Variants in KCNT2 observed in about 807,000 individuals in gnomAD.
KCNT2 encodes potassium sodium-activated channel subfamily T member 2.
KCNT2 carries 67 observed loss-of-function variants against 153.8 expected under a neutral mutation model. That is an observed-to-expected ratio of 0.44 (90% confidence interval 0.36 to 0.53). KCNT2 has a LOEUF of 0.53. KCNT2 is among the 20% of genes least tolerant of loss of function. The pLI is 0.00. For synonymous variants in KCNT2, 500 were observed against 458.8 expected, an observed-to-expected ratio of 1.09 and a Z score of -1.15; for missense variants, 975 against 1,354.8, an observed-to-expected ratio of 0.72 and a Z score of 4.40.
chr1:196,574,171 T>G (rs905172788), intron 1 of KCNT2, among the ~76,000 whole-genome samples: 4 of 152,018 alleles, frequency 2.6e-5, no homozygotes, highest in Non-Finnish European at 4.4e-5. Context: ...ATCTAATTTT[T>G]GGGTAGGCTC....
chr1:196,354,880 T>C (rs1387606883), intron 14 of KCNT2, among the ~76,000 whole-genome samples: 1 of 151,834 alleles, frequency 6.6e-6, no homozygotes, highest in East Asian at 1.9e-4. Context: ...ATTTCACAAT[T>C]ATTGCAAACT....
At position 196,435,139 on chromosome 1, in the gene KCNT2, GTATATATATATATA is replaced by G. The variant is rs1166021273; in HGVS notation, c.639-5396_639-5383del. ...TAGATACTTATGTGTGTGTGTGTATGTATATATATATATATATATATATATATATATATATATAT... is the reference window on the plus strand; with the variant it reads ...TAGATACTTATGTGTGTGTGTGTATGTATATATATATATATATATATATAT... On this transcript the variant is annotated intron_variant, in intron 8 of 27. Coordinates refer to ENST00000294725, the MANE Select transcript of KCNT2 (RefSeq NM_198503.5). Among the ~76,000 whole-genome samples the G allele has an allele frequency of 1.5e-3, 69 of 45,726 alleles. 1 individual carries two copies. The highest frequency in any genetic ancestry group is 0.01 in the South Asian group (10 of 960). 30.0% of individuals were successfully genotyped at this position (45,726 alleles called of 152,430 possible).
rs1475273400 is a variant in KCNT2 at position 196,254,669 on chromosome 1, A to G, written c.3211+3525T>C. Reference sequence around the variant, plus strand: ...TATTACTACTACCACCATCACCACTACTATTACTACTGCTGTTAAATCTAT... The same window carrying G: ...TATTACTACTACCACCATCACCACTGCTATTACTACTGCTGTTAAATCTAT... On this transcript the variant is annotated intron_variant, in intron 26 of 27. Transcript: ENST00000294725. Among the ~76,000 whole-genome samples the G allele has an allele frequency of 2.6e-5, 4 of 151,548 alleles. No homozygotes were observed. In the East Asian group the frequency reaches 5.8e-4, roughly 22 times the overall value.
chr1:196,313,630 A>G (rs184955944), intron 21 of KCNT2, among the ~76,000 whole-genome samples: 360 of 151,756 alleles, frequency 2.4e-3, no homozygotes, highest in Non-Finnish European at 4.0e-3. Context: ...ATGTAAAACT[A>G]GCCTAGCTTA....
chr1:196,228,134 A>G lies in KCNT2; in HGVS notation c.*90T>C, dbSNP rs1383320272. 4.4e-6 allele frequency: 3 copies of G among 688,924 alleles called. No homozygotes were observed. The highest frequency in any genetic ancestry group is 7.7e-6 in the Non-Finnish European group (3 of 387,564). 42.7% of individuals were successfully genotyped at this position (688,924 alleles called of 1,614,324 possible). ...GTTTTTAAATATGAGAGAATTACAT[A>G]TATTTCCATCTAGTTTCTTTCGTGC... On this transcript the variant is annotated 3_prime_UTR_variant, in exon 28 of 28. Transcript: ENST00000294725.
At chr1:196,289,140 A>G (rs1321437787) in intron 22 of KCNT2, among the ~76,000 whole-genome samples, 1 of 152,058 alleles carries the variant, frequency 6.6e-6, no homozygotes, top group Non-Finnish European at 1.5e-5. Flanking sequence ...TATTACCTCA[A>G]GAACTTTGTA....
chr1:196,457,157 A>G (rs894877080), intron 8 of KCNT2, among the ~76,000 whole-genome samples: 4 of 151,854 alleles, frequency 2.6e-5, no homozygotes, highest in African/African-American at 9.7e-5. Context: ...AAAGGAGTAG[A>G]CAATTTAGAA....
At chr1:196,474,910 G>A (rs1376174318) in intron 5 of KCNT2, among the ~76,000 whole-genome samples, 1 of 152,132 alleles carries the variant, frequency 6.6e-6, no homozygotes, top group Non-Finnish European at 1.5e-5. Flanking sequence ...TCATGTCATG[G>A]ATGCTAATTC....
chr1:196,379,640 A>G (rs1669307216), intron 13 of KCNT2, among the ~76,000 whole-genome samples: 1 of 151,824 alleles, frequency 6.6e-6, no homozygotes, highest in South Asian at 2.1e-4. Flanking sequence ...AAAATACAAG[A>G]TATATGTACA....
chr1:196,390,104 T>A (rs1269501963), intron 13 of KCNT2, among the ~76,000 whole-genome samples: 1 of 151,612 alleles, frequency 6.6e-6, no homozygotes, highest in Non-Finnish European at 1.5e-5. Context: ...CTCTAGAATT[T>A]TTTTTTTCCA....
chr1:196,239,448 A>G (rs2102249550), intron 26 of KCNT2, among the ~76,000 whole-genome samples: 1 of 152,098 alleles, frequency 6.6e-6, no homozygotes, highest in Non-Finnish European at 1.5e-5. Flanking sequence ...ACTAGCATAT[A>G]CAATTATTAA....
intron 14 of KCNT2, among the ~76,000 whole-genome samples, chr1:196,351,820 A>G (rs1400366441): frequency 2.0e-5 from 3 of 152,180 alleles, no homozygotes; most frequent in Non-Finnish European, 4.4e-5. Flanking sequence ...TTGCCCATTC[A>G]GTATGATATT....
At chr1:196,531,360 T>G (rs1209367489) in intron 1 of KCNT2, among the ~76,000 whole-genome samples, 1 of 152,122 alleles carries the variant, frequency 6.6e-6, no homozygotes, top group African/African-American at 2.4e-5. Flanking sequence ...AGACGAACTT[T>G]GTAGCCACAC....
At chr1:196,496,989 G>T (rs961955883) in intron 1 of KCNT2, among the ~76,000 whole-genome samples, 9 of 152,174 alleles carry the variant, frequency 5.9e-5, no homozygotes, top group African/African-American at 2.2e-4. Context: ...GAATGAAATG[G>T]CATTATTTAA....
Position 196,428,195 on chromosome 1 carries a change from A to G in KCNT2, c.894T>C (p.Thr298=). The change falls in exon 10 of 28, where the codon ACT becomes ACC. Residue 298 remains threonine (T), a synonymous_variant. Transcript: ENST00000294725. ...GGNYSRHRAQ[T]EKHVVLCVSS... ...TGACACACAGGACGACATGCTTTTC[A>G]GTTTGAGCTCTATGTCGACTATAGT... is the stretch of plus-strand genomic sequence containing the variant. The G allele has an allele frequency of 6.2e-7, 1 of 1,612,628 alleles. No individual in the cohort carries two copies. Among genetic ancestry groups the G allele is most frequent in the Non-Finnish European group, 8.5e-7 (1 of 1,178,934 alleles).
rs546531312 is a variant in KCNT2 at position 196,382,408 on chromosome 1, G to A, written c.1295-9160C>T. Among the ~76,000 whole-genome samples, 9 of 152,048 alleles carry A rather than the reference G, an allele frequency of 5.9e-5. No homozygotes were observed. In the East Asian group the frequency reaches 1.7e-3, roughly 29 times the overall value. On this transcript the variant is annotated intron_variant, in intron 13 of 27. Coordinates refer to ENST00000294725, the MANE Select transcript of KCNT2 (RefSeq NM_198503.5). ...AGACGTGAGCCACCGCGCCCGGCCT[G>A]TTTAACCAAATATTTTAAAGATAAT... is the stretch of plus-strand genomic sequence containing the variant.
chr1:196,394,398 G>T (rs769605901), intron 13 of KCNT2, among the ~76,000 whole-genome samples: 41 of 151,592 alleles, frequency 2.7e-4, no homozygotes, highest in Non-Finnish European at 5.6e-4. Context: ...TAGTACAACC[G>T]ATAGGACAAG....
intron 1 of KCNT2, among the ~76,000 whole-genome samples, chr1:196,604,602 C>T (rs1291130411): frequency 6.6e-6 from 1 of 152,090 alleles, no homozygotes; most frequent in Non-Finnish European, 1.5e-5. Context: ...GTGTCTAACC[C>T]TATTCCCATA....
At chr1:196,373,113 G>A in intron 14 of KCNT2, 27 bp downstream of exon 14, 2 of 1,070,950 alleles carry the variant, frequency 1.9e-6, no homozygotes, top group East Asian at 2.4e-5. Flanking sequence ...AATTTAAAAG[G>A]TTAACTTAAA....
Sources: gnomAD v4.1 joint callset for allele counts (sites outside exome capture counted in the v4.1 genomes callset) on GRCh38, gnomAD v4.1.1 for gene constraint, MANE v1.5 for transcripts, NCBI Gene and HGNC (gene_info 2026-07-23, HGNC 2026-07-21) for gene names.